Variants in COL5A2 observed in about 807,000 individuals in gnomAD.
COL5A2 encodes the protein collagen type V alpha 2 chain, also known as collagen alpha-2(V) chain.
A neutral mutation model predicts 208.2 loss-of-function variants in COL5A2; 23 were observed. That is an observed-to-expected ratio of 0.11 (90% CI 0.08 to 0.16). The LOEUF (loss-of-function observed/expected upper bound fraction) is 0.16, where lower values mean the gene tolerates loss of function less well. COL5A2 is among the 10% of genes least tolerant of loss of function. The pLI is 1.00. For missense variants in COL5A2, 1,590 were observed against 1,956.4 expected (o/e 0.81, Z 3.53); for synonymous variants, 625 against 628.5 (o/e 0.99, Z 0.08).
the COL5A2 span, among the ~76,000 whole-genome samples, chr2:189,270,001 G>T: frequency 1.6e-3 from 238 of 152,264 alleles, no homozygotes; most frequent in African/African-American, 5.3e-3. Flanking sequence ...ATTTCTTCTA[G>T]ATTTTCTAGT....
the COL5A2 span, among the ~76,000 whole-genome samples, chr2:189,334,972 G>A: frequency 2.0e-5 from 3 of 151,674 alleles, no homozygotes; most frequent in Non-Finnish European, 4.4e-5. Flanking sequence ...AATTTAATAG[G>A]GGAAATTATA....
At chr2:189,202,342 T>C (rs1689089589) in intron 1 of COL5A2, among the ~76,000 whole-genome samples, 1 of 152,120 alleles carries the variant, frequency 6.6e-6, no homozygotes, top group African/African-American at 2.4e-5. Context: ...AACAGAATTA[T>C]GCAGTTAAAA....
chr2:189,035,297 A>C, intron 52 of COL5A2, 142 bp from the exon 53 acceptor site: 1 of 1,094,840 alleles, frequency 9.1e-7, no homozygotes. Context: ...AAAGTAAGCT[A>C]TTCTAGCTGT....
intron 1 of COL5A2, among the ~76,000 whole-genome samples, chr2:189,190,443 C>T (rs1173194126): frequency 2.6e-5 from 4 of 152,150 alleles, no homozygotes; most frequent in Non-Finnish European, 5.9e-5. Flanking sequence ...TCAAGGGATA[C>T]TTAGAGCATT....
chr2:189,320,926 G>A, the COL5A2 span, among the ~76,000 whole-genome samples: 1 of 152,188 alleles, frequency 6.6e-6, no homozygotes, highest in African/African-American at 2.4e-5. Context: ...GAAAGGTCGG[G>A]TTACCCACAC....
the COL5A2 span, among the ~76,000 whole-genome samples, chr2:189,366,004 A>G: frequency 5.9e-5 from 9 of 152,162 alleles, no homozygotes; most frequent in African/African-American, 1.9e-4. Flanking sequence ...CAGACATCCT[A>G]TGATTGCCTA....
At chr2:189,171,261 A>G (rs1470693336) in intron 1 of COL5A2, among the ~76,000 whole-genome samples, 1 of 152,120 alleles carries the variant, frequency 6.6e-6, no homozygotes, top group Non-Finnish European at 1.5e-5. Context: ...AGAAGCTTGA[A>G]CCTTATTCTT....
the COL5A2 span, among the ~76,000 whole-genome samples, chr2:189,416,209 G>A: frequency 6.6e-6 from 1 of 152,104 alleles, no homozygotes; most frequent in East Asian, 1.9e-4. Flanking sequence ...TCCCATTACT[G>A]GGTATATACC....
the COL5A2 span, among the ~76,000 whole-genome samples, chr2:189,380,981 A>G: frequency 6.6e-6 from 1 of 152,058 alleles, no homozygotes; most frequent in South Asian, 2.1e-4. Flanking sequence ...AGCTGTGATA[A>G]AAAGACTGGT....
chr2:189,218,439 G>A (rs1689305898), intron 1 of COL5A2, among the ~76,000 whole-genome samples: 1 of 152,276 alleles, frequency 6.6e-6, no homozygotes, highest in African/African-American at 2.4e-5. Context: ...GGAGCCAACA[G>A]GAGCTGGGAA....
At chr2:189,335,484 T>A in the COL5A2 span, among the ~76,000 whole-genome samples, 1 of 152,040 alleles carries the variant, frequency 6.6e-6, no homozygotes, top group Non-Finnish European at 1.5e-5. Flanking sequence ...ATGGAAAACT[T>A]AAGGTTACCC....
the COL5A2 span, among the ~76,000 whole-genome samples, chr2:189,381,034 C>G: frequency 4.3e-4 from 65 of 151,820 alleles, 1 homozygote; most frequent in African/African-American, 1.5e-3. Context: ...AAAACTAAAC[C>G]GTGGGAATTA....
the COL5A2 span, among the ~76,000 whole-genome samples, chr2:189,437,492 A>T: frequency 2.0e-5 from 3 of 152,202 alleles, no homozygotes; most frequent in African/African-American, 7.2e-5. Context: ...CGCTTTAGCC[A>T]CTGGGTACAA....
the COL5A2 span, among the ~76,000 whole-genome samples, chr2:189,274,277 C>A: frequency 1.3e-5 from 2 of 152,094 alleles, no homozygotes; most frequent in Admixed American, 6.5e-5. Context: ...AATTAAACTC[C>A]TTCACAAGCA....
chr2:189,272,394 A>T, the COL5A2 span, among the ~76,000 whole-genome samples: 9 of 152,242 alleles, frequency 5.9e-5, no homozygotes, highest in East Asian at 1.7e-3. Context: ...CATCATTCTC[A>T]TCAAGATAAC....
chr2:189,213,548 G>T (rs1055670495), intron 1 of COL5A2, among the ~76,000 whole-genome samples: 3 of 152,116 alleles, frequency 2.0e-5, no homozygotes, highest in African/African-American at 7.2e-5. Context: ...AAATATAGAG[G>T]GAAGAGGAAC....
At position 189,100,494 on chromosome 2, in the gene COL5A2, C is replaced by T. The variant is rs552937642; in HGVS notation, c.337-355G>A. ...GGAAAAACTACTGAAAGACTGAAAA[C>T]ACAAAAAGAGCCAGAAATTGTAATA... On this transcript the variant is annotated intron_variant, in intron 3 of 53. Transcript: ENST00000374866. Among the ~76,000 whole-genome samples, 12 of 151,860 alleles carry T rather than the reference C, an allele frequency of 7.9e-5. No individual in the cohort carries two copies. In the East Asian group the frequency reaches 2.1e-3, roughly 27 times the overall value.
chr2:189,168,095 G>A (rs1439031471), intron 1 of COL5A2, among the ~76,000 whole-genome samples: 1 of 151,824 alleles, frequency 6.6e-6, no homozygotes, highest in Non-Finnish European at 1.5e-5. Context: ...CCACCACCAC[G>A]CCTGGCTAAA....
chr2:189,207,484 G>T (rs572069415), intron 1 of COL5A2, among the ~76,000 whole-genome samples: 1 of 152,210 alleles, frequency 6.6e-6, no homozygotes, highest in African/African-American at 2.4e-5. Flanking sequence ...ATACAATTCT[G>T]TTATCAAGCA....
Sources: gnomAD v4.1 joint callset for allele counts (sites outside exome capture counted in the v4.1 genomes callset) on GRCh38, gnomAD v4.1.1 for gene constraint, MANE v1.5 for transcripts, NCBI Gene and HGNC (gene_info 2026-07-23, HGNC 2026-07-21) for gene names.